CDYL2: variants seen among roughly 807,000 people sequenced by gnomAD.
The protein encoded by CDYL2 is chromodomain Y like 2, also known as chromodomain Y-like protein 2.
Under a neutral mutation model 49.4 loss-of-function variants are expected in CDYL2, and 23 were observed. The observed-to-expected ratio is 0.47, with a 90% confidence interval of 0.34 to 0.66. The LOEUF is 0.66. Ranked by LOEUF, CDYL2 falls within the 30% of genes least tolerant of loss-of-function variation. The pLI is 0.01. For synonymous variants in CDYL2, 360 were observed against 268.8 expected, an observed-to-expected ratio of 1.34 and a Z score of -3.32; for missense variants, 678 against 656.4, an observed-to-expected ratio of 1.03 and a Z score of -0.36.
At chr16:80,761,115 G>C (rs980989071) in intron 1 of CDYL2, among the ~76,000 whole-genome samples, 1 of 151,840 alleles carries the variant, frequency 6.6e-6, no homozygotes, top group Non-Finnish European at 1.5e-5. Flanking sequence ...TCACCTGGCT[G>C]GGGGGAGACT....
At chr16:80,752,088 T>C (rs1906156993) in intron 1 of CDYL2, among the ~76,000 whole-genome samples, 1 of 151,626 alleles carries the variant, frequency 6.6e-6, no homozygotes, top group African/African-American at 2.4e-5. Flanking sequence ...TAGATAACCA[T>C]GTGGACAATT....
intron 2 of CDYL2, among the ~76,000 whole-genome samples, chr16:80,681,987 C>T (rs1418706652): frequency 2.6e-5 from 4 of 152,222 alleles, no homozygotes; most frequent in Non-Finnish European, 4.4e-5. Flanking sequence ...ACCCCCCACA[C>T]ATTTGGCCAC....
At chr16:80,655,139 G>C (rs766525596) in intron 2 of CDYL2, among the ~76,000 whole-genome samples, 2 of 152,218 alleles carry the variant, frequency 1.3e-5, no homozygotes, top group Non-Finnish European at 2.9e-5. Context: ...TTTCTGAGCA[G>C]CTCTAAGGCT....
chr16:80,623,915 A>C (rs1051792106), intron 3 of CDYL2, among the ~76,000 whole-genome samples: 1 of 152,154 alleles, frequency 6.6e-6, no homozygotes, highest in Admixed American at 6.5e-5. Flanking sequence ...CCCAGGGGAA[A>C]GCAGATCCTT....
At chr16:80,646,857 A>G (rs1037194082) in intron 2 of CDYL2, among the ~76,000 whole-genome samples, 1 of 151,760 alleles carries the variant, frequency 6.6e-6, no homozygotes. Context: ...TGCTGCCTGT[A>G]AGAAACACAC....
chr16:80,609,832 G>T (rs1218430947), intron 5 of CDYL2, among the ~76,000 whole-genome samples: 1 of 152,130 alleles, frequency 6.6e-6, no homozygotes, highest in Admixed American at 6.5e-5. Context: ...TGGAGGTAGG[G>T]TGTCCCTGGT....
At chr16:80,709,499 A>G (rs879287685) in intron 1 of CDYL2, among the ~76,000 whole-genome samples, 28 of 151,878 alleles carry the variant, frequency 1.8e-4, no homozygotes, top group Non-Finnish European at 3.1e-4. Flanking sequence ...CATGAGAAGC[A>G]CTAGATGAAT....
chr16:80,728,059 G>A (rs921729569), intron 1 of CDYL2, among the ~76,000 whole-genome samples: 17 of 152,354 alleles, frequency 1.1e-4, no homozygotes, highest in Non-Finnish European at 2.1e-4. Context: ...TCCTCCAAAG[G>A]ATGGCAGTTC....
intron 1 of CDYL2, among the ~76,000 whole-genome samples, chr16:80,721,065 C>CAGCT (rs1345423727): frequency 1.3e-5 from 2 of 152,122 alleles, no homozygotes; most frequent in African/African-American, 2.4e-5. Context: ...AGGAAAATGT[C>CAGCT]AGCTCCTCCC....
chr16:80,776,093 C>T (rs1309077756), intron 1 of CDYL2, among the ~76,000 whole-genome samples: 1 of 151,834 alleles, frequency 6.6e-6, no homozygotes, highest in Non-Finnish European at 1.5e-5. Context: ...AATTTAAAAA[C>T]ACCCTCCCAC....
chr16:80,738,977 C>T (rs1446796945), intron 1 of CDYL2, among the ~76,000 whole-genome samples: 1 of 152,132 alleles, frequency 6.6e-6, no homozygotes, highest in Non-Finnish European at 1.5e-5. Flanking sequence ...AGGAGTATTT[C>T]ACAAGGTGAA....
intron 2 of CDYL2, among the ~76,000 whole-genome samples, chr16:80,674,553 CTAAT>C (rs925367421): frequency 2.0e-4 from 31 of 152,170 alleles, no homozygotes; most frequent in African/African-American, 7.2e-4. Flanking sequence ...TCCCCATAAT[CTAAT>C]TCCAGAACAT....
At chr16:80,663,170 G>C (rs1436306479) in intron 2 of CDYL2, among the ~76,000 whole-genome samples, 2 of 151,172 alleles carry the variant, frequency 1.3e-5, no homozygotes, top group African/African-American at 4.8e-5. Flanking sequence ...ATTCTCCCCA[G>C]TGTTCCAATC....
At chr16:80,652,129 C>T (rs1485668425) in intron 2 of CDYL2, among the ~76,000 whole-genome samples, 1 of 152,076 alleles carries the variant, frequency 6.6e-6, no homozygotes, top group Non-Finnish European at 1.5e-5. Flanking sequence ...AATGACATCC[C>T]AATAGCAAAG....
At chr16:80,609,415 G>C (rs28456059) in intron 5 of CDYL2, among the ~76,000 whole-genome samples, 30,174 of 152,108 alleles carry the variant, frequency 0.2, 5,907 homozygotes, top group African/African-American at 0.49. Context: ...ACTGAGTTCT[G>C]GTTGTGTCAC....
intron 1 of CDYL2, among the ~76,000 whole-genome samples, chr16:80,730,718 T>C (rs1020025595): frequency 6.6e-6 from 1 of 152,020 alleles, no homozygotes; most frequent in African/African-American, 2.4e-5. Flanking sequence ...ATACTGGCAA[T>C]AAGTGATGGA....
intron 2 of CDYL2, among the ~76,000 whole-genome samples, chr16:80,636,785 A>G (rs1257862651): frequency 1.3e-5 from 2 of 152,224 alleles, no homozygotes; most frequent in East Asian, 1.9e-4. Context: ...TCACAATAGC[A>G]AAGACTTGGA....
rs966714060 is a variant in CDYL2, at chr16:80,679,501, T to A, written c.616+5037A>T. On this transcript the variant is annotated intron_variant, in intron 2 of 6. Transcript: ENST00000570137. ...TCTCTCCTAATTCCAACCTGGACAC[T>A]TGTAACCTCGGTCTCCACCTCTGTA... Among the ~76,000 whole-genome samples, 18 of 152,106 alleles carry A rather than the reference T, an allele frequency of 1.2e-4. 1 individual carries two copies. The highest frequency in any genetic ancestry group is 1.2e-3 in the Admixed American group (18 of 15,272).
intron 1 of CDYL2, among the ~76,000 whole-genome samples, chr16:80,719,516 T>C (rs549706469): frequency 3.3e-5 from 5 of 152,160 alleles, no homozygotes; most frequent in Admixed American, 1.3e-4. Flanking sequence ...CCCTCGTCAT[T>C]TGTGTGCACT....
Sources: allele counts gnomAD v4.1 joint callset (sites outside exome capture counted in the v4.1 genomes callset), GRCh38; gene constraint gnomAD v4.1.1; transcripts MANE v1.5; gene names NCBI Gene and HGNC (gene_info 2026-07-23, HGNC 2026-07-21).